Variants in PTPRB observed in about 807,000 individuals in gnomAD.
PTPRB encodes protein tyrosine phosphatase receptor type B, also known as receptor-type tyrosine-protein phosphatase beta.
A neutral mutation model predicts 238.1 loss-of-function variants in PTPRB; 97 were observed. That is an observed-to-expected ratio of 0.41 (90% CI 0.35 to 0.48). PTPRB has a LOEUF of 0.48. PTPRB is among the 20% of genes least tolerant of loss of function. PTPRB has a pLI of 0.30. For missense variants in PTPRB, 2,292 were observed against 2,681.9 expected (o/e 0.85, Z 3.21); for synonymous variants, 970 against 995.4 (o/e 0.97, Z 0.48).
intron 31 of PTPRB, among the ~76,000 whole-genome samples, chr12:70,534,005 A>AGAT (rs1448864762): frequency 6.6e-6 from 1 of 152,242 alleles, no homozygotes; most frequent in Non-Finnish European, 1.5e-5. Context: ...CCTGGAGGGA[A>AGAT]GATTAGAAAA....
chr12:70,586,013 A>C (rs555288717), intron 9 of PTPRB, among the ~76,000 whole-genome samples: 8 of 152,280 alleles, frequency 5.3e-5, no homozygotes, highest in African/African-American at 1.9e-4. Flanking sequence ...TCTGTGGTGT[A>C]ATATGTGCCA....
At chr12:70,536,448 TGGG>T (rs1472514069) in intron 28 of PTPRB, among the ~76,000 whole-genome samples, 4 of 152,078 alleles carry the variant, frequency 2.6e-5, no homozygotes, top group Admixed American at 6.5e-5. Context: ...ATGTGTGTGT[TGGG>T]GGGTATTTGT....
chr12:70,620,510 ACTT>A (rs1466901283), intron 3 of PTPRB, among the ~76,000 whole-genome samples: 1 of 147,854 alleles, frequency 6.8e-6, no homozygotes, highest in African/African-American at 2.7e-5. Context: ...TATTTGACAC[ACTT>A]AATTTTTTTT....
At position 70,539,975 on chromosome 12, in the gene PTPRB, C is replaced by T. The variant is rs139546127; in HGVS notation, c.5642G>A (p.Arg1881Gln). Residue 1881 changes from arginine to glutamine, a missense_variant, in exon 24 of 34, where the codon CGA (arginine) becomes CAA (glutamine). Arg to Gln is a conservative substitution (Grantham distance 43, BLOSUM62 1). Around this residue, in one of 4 missense-constraint regions of PTPRB, gnomAD observed 397 missense variants for 502.0 expected, o/e 0.79. Transcript: ENST00000334414. ...CAGGTTTAAGTGGACAGATAATGGTCGATCCCTACGAATGCTCAGACGGGC... is the reference window on the plus strand; with the variant it reads ...CAGGTTTAAGTGGACAGATAATGGTTGATCCCTACGAATGCTCAGACGGGC... ...PSARLSIRRD[R>Q]PLSVHLNLGQ... 3.1e-5 allele frequency: 50 copies of T among 1,612,392 alleles called. No individual in the cohort carries two copies. The highest frequency in any genetic ancestry group is 1.3e-4 in the East Asian group (6 of 44,830).
chr12:70,524,890 T>C (rs1197662746), intron 32 of PTPRB, among the ~76,000 whole-genome samples: 1 of 95,198 alleles, frequency 1.1e-5, no homozygotes, highest in Admixed American at 1.3e-4. Context: ...TATATGTATA[T>C]ATGTGTATAT....
chr12:70,617,100 T>G (rs756311391), intron 3 of PTPRB, among the ~76,000 whole-genome samples: 1 of 152,244 alleles, frequency 6.6e-6, no homozygotes, highest in Non-Finnish European at 1.5e-5. Flanking sequence ...GTTAACTATA[T>G]GTTCACAAAA....
At position 70,601,311 on chromosome 12, in the gene PTPRB, T is replaced by A. The variant is rs532237283; in HGVS notation, c.980-4984A>T. Among the ~76,000 whole-genome samples the A allele has an allele frequency of 1.4e-4, 21 of 152,150 alleles. No homozygotes were observed. The South Asian group carries it at 4.2e-3, about 30-fold the overall frequency. The stretch of plus-strand genomic sequence containing the variant: ...CCACCACGCCCCGCCTCTTCCTTAT[T>A]TTCCGTCTTTCCTCCATGATTGCCA... On this transcript the variant is annotated intron_variant, in intron 4 of 33. Transcript: ENST00000334414.
chr12:70,563,821 C>G (rs1565948262), intron 15 of PTPRB, among the ~76,000 whole-genome samples: 2 of 152,190 alleles, frequency 1.3e-5, no homozygotes, highest in Admixed American at 6.5e-5. Flanking sequence ...GGTGAAAACT[C>G]TGGAATCTTC....
chr12:70,629,408 G>A (rs1214052565), intron 2 of PTPRB, among the ~76,000 whole-genome samples: 1 of 152,134 alleles, frequency 6.6e-6, no homozygotes, highest in Non-Finnish European at 1.5e-5. Flanking sequence ...TGAGAACAAA[G>A]ACACAATGTA....
Position 70,520,632 on chromosome 12 carries a change from G to A in PTPRB, c.*857C>T, listed in dbSNP as rs1044767468. On this transcript the variant is annotated 3_prime_UTR_variant, in exon 34 of 34. Transcript: ENST00000334414. ...TGTGTATAAATACATTACAGTATGG[G>A]TGTGGATGTTCACACTCCACACCAT... 3.1e-5 allele frequency: 5 copies of A among 160,092 alleles called. No individual in the cohort carries two copies. The highest frequency in any genetic ancestry group is 1.2e-4 in the African/African-American group (5 of 41,482). 9.9% of individuals were successfully genotyped at this position (160,092 alleles called of 1,614,324 possible).
At position 70,560,892 on chromosome 12, in the gene PTPRB, G is replaced by C. The variant is rs754562518; in HGVS notation, c.4211C>G (p.Thr1404Arg). The C allele has an allele frequency of 5.0e-6, 8 of 1,613,332 alleles. No individual in the cohort carries two copies. Among genetic ancestry groups the C allele is most frequent in the Admixed American group, 1.7e-5 (1 of 59,992 alleles). Residue 1404 changes from threonine to arginine, a missense_variant, in exon 17 of 34, where the codon ACG becomes AGG. By Grantham distance (71) the Thr-to-Arg change is moderately conservative (BLOSUM62 -1). Around this residue, in one of 4 missense-constraint regions of PTPRB, gnomAD observed 683 missense variants for 862.0 expected, o/e 0.79. Transcript: ENST00000334414. This position sits in a 1 kb window ranked among gnomAD's most constrained non-coding sequence, Gnocchi z 4.2. ...CCAGTTGAACCAAAGGCTGTCTGTC[G>C]TGTTCCGATTGGACCCCCTGAGATG... ...VSHLRGSNRN[T>R]TDSLWFNWSP...
intron 32 of PTPRB, among the ~76,000 whole-genome samples, chr12:70,531,045 A>G (rs1439810524): frequency 6.6e-6 from 1 of 152,238 alleles, no homozygotes; most frequent in Non-Finnish European, 1.5e-5. Context: ...AGTTCTGCAG[A>G]ATATTTTTAA....
intron 15 of PTPRB, among the ~76,000 whole-genome samples, chr12:70,563,370 C>A (rs1019401362): frequency 1.3e-5 from 2 of 152,192 alleles, no homozygotes; most frequent in African/African-American, 4.8e-5. Flanking sequence ...ACAGATGCTG[C>A]CTGATTCCTC....
chr12:70,626,296 C>CATCCATCCATCTATCT (rs1340352590), intron 2 of PTPRB, among the ~76,000 whole-genome samples: 1 of 91,912 alleles, frequency 1.1e-5, no homozygotes, highest in Admixed American at 1.3e-4. Context: ...TCTATCCATC[C>CATCCATCCATCTATCT]ATCTATCTAT....
chr12:70,570,936 C>G (rs1470788252), intron 13 of PTPRB, 90 bp downstream of exon 13: 1 of 1,426,734 alleles, frequency 7.0e-7, no homozygotes. Context: ...CCTTTTATCC[C>G]TCCAAATGCT....
At chr12:70,558,318 C>G (rs374606395) in intron 18 of PTPRB, among the ~76,000 whole-genome samples, 1 of 152,172 alleles carries the variant, frequency 6.6e-6, no homozygotes, top group South Asian at 2.1e-4. Flanking sequence ...ACACAAATAA[C>G]TGCTCTTTGG....
intron 3 of PTPRB, among the ~76,000 whole-genome samples, chr12:70,619,985 T>C (rs952322771): frequency 6.6e-6 from 1 of 152,146 alleles, no homozygotes; most frequent in South Asian, 2.1e-4. Flanking sequence ...CTAAATCAAA[T>C]AATAACCTCT....
At chr12:70,573,043 A>G (rs118019205) in intron 11 of PTPRB, among the ~76,000 whole-genome samples, 4,287 of 152,178 alleles carry the variant, frequency 0.028, 89 homozygotes, top group Non-Finnish European at 0.04. Flanking sequence ...GAAATATTAT[A>G]TAATAGTTAT....
At chr12:70,595,775 A>G (rs1412819276) in intron 5 of PTPRB, among the ~76,000 whole-genome samples, 1 of 152,200 alleles carries the variant, frequency 6.6e-6, no homozygotes, top group Admixed American at 6.5e-5. Context: ...TAGAAGGGCC[A>G]TTAGGGAGTA....
Sources: gnomAD v4.1 joint callset for allele counts (sites outside exome capture counted in the v4.1 genomes callset) on GRCh38, gnomAD v4.1.1 for gene constraint, gnomAD v4.1.1 regional missense constraint, Gnocchi (gnomAD v3.1) non-coding constraint, MANE v1.5 for transcripts, NCBI Gene and HGNC (gene_info 2026-07-23, HGNC 2026-07-21) for gene names.